Variants in INSC observed in about 807,000 individuals in gnomAD.
INSC encodes the protein protein inscuteable homolog.
Under a neutral mutation model 58.6 loss-of-function variants are expected in INSC, and 67 were observed. The observed-to-expected ratio is 1.14, with a 90% confidence interval of 0.94 to 1.40. The LOEUF (loss-of-function observed/expected upper bound fraction) is 1.40. INSC is among the 40% of genes most tolerant of loss of function. The pLI is 0.00. For synonymous variants in INSC, 262 were observed against 276.1 expected (o/e 0.95, Z 0.51); for missense variants, 714 against 692.0 (o/e 1.03, Z -0.36).
chr11:15,163,954 G>A (rs1204853972), intron 2 of INSC, among the ~76,000 whole-genome samples: 1 of 152,010 alleles, frequency 6.6e-6, no homozygotes, highest in Non-Finnish European at 1.5e-5. Flanking sequence ...GATTTTAAAG[G>A]CATTATCTTA....
At chr11:15,245,644 A>G (rs1308330020) in intron 12 of INSC, among the ~76,000 whole-genome samples, 1 of 152,184 alleles carries the variant, frequency 6.6e-6, no homozygotes, top group South Asian at 2.1e-4. Flanking sequence ...AATAAAGACC[A>G]TTATTAAGAT....
intron 2 of INSC, among the ~76,000 whole-genome samples, chr11:15,153,763 T>A (rs570949710): frequency 6.6e-6 from 1 of 152,342 alleles, no homozygotes; most frequent in African/African-American, 2.4e-5. Flanking sequence ...ATATTGTTGC[T>A]AGAGTTTCCC....
At chr11:15,221,737 C>T (rs1039984341) in intron 8 of INSC, 89 bp downstream of exon 8, 1 of 1,169,876 alleles carries the variant, frequency 8.5e-7, no homozygotes, top group African/African-American at 1.5e-5. Flanking sequence ...TCCCATCTGC[C>T]ACTCATTGCA....
the INSC span, among the ~76,000 whole-genome samples, chr11:15,254,713 CT>C: frequency 6.6e-6 from 1 of 152,158 alleles, no homozygotes; most frequent in Non-Finnish European, 1.5e-5. Context: ...CACATCCCAC[CT>C]TTGCATCTAT....
At chr11:15,253,027 C>G in the INSC span, among the ~76,000 whole-genome samples, 1 of 152,136 alleles carries the variant, frequency 6.6e-6, no homozygotes, top group Non-Finnish European at 1.5e-5. Flanking sequence ...CTCCACATCT[C>G]TCACCATGCC....
chr11:15,184,730 C>A (rs942070365), intron 5 of INSC, among the ~76,000 whole-genome samples: 1 of 152,188 alleles, frequency 6.6e-6, no homozygotes, highest in Non-Finnish European at 1.5e-5. Flanking sequence ...CAGGTCTTTA[C>A]TGAGAAAAAG....
Position 15,224,035 on chromosome 11 carries a change from C to A in INSC, c.992-1615C>A, listed in dbSNP as rs551510487. On this transcript the variant is annotated intron_variant, in intron 8 of 12. Transcript: ENST00000379556. ...ATGGGAACTTTGGAGTCAGGCAGAC[C>A]TGGATTTGATTCTAGCCTCAAACAG... Among the ~76,000 whole-genome samples the A allele has an allele frequency of 2.6e-5, 4 of 152,294 alleles. No individual in the cohort carries two copies. In the South Asian group the frequency reaches 8.3e-4, roughly 32 times the overall value.
intron 6 of INSC, among the ~76,000 whole-genome samples, chr11:15,196,100 T>C (rs562885300): frequency 2.6e-4 from 40 of 152,346 alleles, no homozygotes; most frequent in African/African-American, 9.4e-4. Context: ...TCAAGAGCCA[T>C]GACCAGGAGT....
chr11:15,112,386 C>A, upstream of INSC: 2 of 1,223,732 alleles, frequency 1.6e-6, no homozygotes, highest in Non-Finnish European at 2.3e-6. Context: ...GGGCCATGGC[C>A]CAGAAGGGTG....
chr11:15,258,385 T>C, the INSC span, among the ~76,000 whole-genome samples: 2 of 152,194 alleles, frequency 1.3e-5, no homozygotes, highest in East Asian at 3.9e-4. Flanking sequence ...GAGAGATTTA[T>C]TTTTAGAAAC....
upstream of INSC, chr11:15,112,645 A>AGTAT: frequency 8.6e-6 from 1 of 115,768 alleles, no homozygotes; most frequent in Non-Finnish European, 1.5e-5. Context: ...TGTATTGGGA[A>AGTAT]GTGGGGGGGG....
upstream of INSC, among the ~76,000 whole-genome samples, chr11:15,113,119 C>CTCTT (rs746409775): frequency 0.2 from 14,602 of 73,318 alleles, 1,396 homozygotes; most frequent in Non-Finnish European, 0.27. Flanking sequence ...TTCTCTCTCT[C>CTCTT]TCTTTCTTTC....
chr11:15,179,884 A>T (rs1849701462), intron 5 of INSC, among the ~76,000 whole-genome samples: 1 of 152,208 alleles, frequency 6.6e-6, no homozygotes, highest in South Asian at 2.1e-4. Flanking sequence ...GCAACTTCTG[A>T]GCAGGGGTAC....
intron 1 of INSC, among the ~76,000 whole-genome samples, chr11:15,128,307 A>AT (rs1393905941): frequency 6.6e-6 from 1 of 151,902 alleles, no homozygotes; most frequent in Non-Finnish European, 1.5e-5. Flanking sequence ...TTATTTATTT[A>AT]TTTTTTTCCA....
In INSC at chr11:15,178,316, C is replaced by T. The variant is rs776154888; in HGVS notation, c.456-8C>T. On this transcript the variant is annotated splice_region_variant and splice_polypyrimidine_tract_variant and intron_variant, in intron 4 of 12. Transcript: ENST00000379556. ...CCAGTGGCCCACCCCATGGTTTCTTCTCTTCAGGTGCCTTCAGGTTGAGAA... is the reference window on the plus strand; with the variant it reads ...CCAGTGGCCCACCCCATGGTTTCTTTTCTTCAGGTGCCTTCAGGTTGAGAA... The T allele has an allele frequency of 3.2e-5, 51 of 1,613,758 alleles. No homozygotes were observed. Among genetic ancestry groups the T allele is most frequent in the Non-Finnish European group, 4.0e-5 (47 of 1,180,018 alleles).
At chr11:15,166,827 T>A (rs1849213381) in intron 2 of INSC, among the ~76,000 whole-genome samples, 1 of 152,140 alleles carries the variant, frequency 6.6e-6, no homozygotes, top group African/African-American at 2.4e-5. Context: ...AGATGAATAG[T>A]GTGGTCAGTA....
At chr11:15,193,025 G>T (rs1213066301) in intron 6 of INSC, among the ~76,000 whole-genome samples, 10 of 152,226 alleles carry the variant, frequency 6.6e-5, no homozygotes, top group Admixed American at 6.5e-4. Flanking sequence ...GGAACAGAGA[G>T]ATTAAATAAC....
intron 7 of INSC, among the ~76,000 whole-genome samples, chr11:15,203,858 A>C (rs1850693327): frequency 6.6e-6 from 1 of 150,704 alleles, no homozygotes; most frequent in Non-Finnish European, 1.5e-5. Flanking sequence ...AGAAAAAAAA[A>C]CAGAAGAAGA....
At chr11:15,160,208 G>T (rs1221231181) in intron 2 of INSC, among the ~76,000 whole-genome samples, 1 of 152,232 alleles carries the variant, frequency 6.6e-6, no homozygotes, top group Admixed American at 6.5e-5. Context: ...ACATAAATTT[G>T]TTGAGGAGTC....
Sources: gnomAD v4.1 joint callset for allele counts (sites outside exome capture counted in the v4.1 genomes callset) on GRCh38, gnomAD v4.1.1 for gene constraint, MANE v1.5 for transcripts, NCBI Gene and HGNC (gene_info 2026-07-23, HGNC 2026-07-21) for gene names.